NOVA1: variants seen among roughly 807,000 people sequenced by gnomAD.
The protein encoded by NOVA1 is RNA-binding protein Nova-1.
Under a neutral mutation model 38.0 loss-of-function variants are expected in NOVA1, and 7 were observed. The observed-to-expected ratio is 0.18, with a 90% CI of 0.10 to 0.35. The LOEUF (loss-of-function observed/expected upper bound fraction) is 0.35. Among genes scored for constraint, NOVA1 ranks in the 10% least tolerant of loss-of-function variants. The probability of loss-of-function intolerance (pLI) is 1.00; values close to 1 mark genes in which losing one functional copy is unlikely to be tolerated. For synonymous variants in NOVA1, 270 were observed against 232.5 expected (o/e 1.16, Z -1.47); for missense variants, 460 against 616.0 (o/e 0.75, Z 2.68).
intron 2 of NOVA1, among the ~76,000 whole-genome samples, chr14:26,551,824 T>A (rs1020209623): frequency 3.5e-4 from 53 of 152,176 alleles, no homozygotes; most frequent in African/African-American, 1.2e-3. Flanking sequence ...GGTATTTTTC[T>A]GTAGATATAA....
intron 2 of NOVA1, among the ~76,000 whole-genome samples, chr14:26,578,908 C>G (rs964727923): frequency 6.6e-6 from 1 of 152,078 alleles, no homozygotes; most frequent in African/African-American, 2.4e-5. Flanking sequence ...TCAGACTTCA[C>G]TGTCATCATC....
rs1432192779 is a variant in NOVA1, at chr14:26,446,123, A to T, written c.*1836T>A. On this transcript the variant is annotated 3_prime_UTR_variant, in exon 5 of 5. Coordinates refer to ENST00000539517, the MANE Select transcript of NOVA1 (RefSeq NM_002515.3). ...CTAAATAAATATTTAGAGATAGAGA[A>T]CTCTAAATGAAATAACAGTCCAATG... The T allele has an allele frequency of 1.3e-5, 2 of 151,454 alleles. No individual in the cohort carries two copies. Among genetic ancestry groups the T allele is most frequent in the Non-Finnish European group, 2.9e-5 (2 of 67,820 alleles). 9.4% of individuals were successfully genotyped at this position (151,454 alleles called of 1,614,324 possible). A position where few individuals can be genotyped will look rare whatever the true frequency, so the allele number is the denominator to read the frequency against.
At position 26,443,313 on chromosome 14, in the gene NOVA1, T is replaced by C. The variant is rs1281277683; in HGVS notation, c.*4646A>G. 1 of 152,016 alleles carries C rather than the reference T, an allele frequency of 6.6e-6. No homozygotes were observed. The highest frequency in any genetic ancestry group is 1.5e-5 in the Non-Finnish European group (1 of 67,894). 9.4% of individuals were successfully genotyped at this position (152,016 alleles called of 1,614,324 possible). ...AACTATTTAAAAAAAATTCGGCACA[T>C]ACACGTTAAATATTTTTCCTTAAAA... is the stretch of plus-strand genomic sequence containing the variant. On this transcript the variant is annotated 3_prime_UTR_variant, in exon 5 of 5. Transcript: ENST00000539517.
intron 4 of NOVA1, among the ~76,000 whole-genome samples, chr14:26,451,640 TG>T (rs1388890856): frequency 6.6e-6 from 1 of 152,134 alleles, no homozygotes; most frequent in Non-Finnish European, 1.5e-5. Context: ...CCCAAAATGC[TG>T]GGATTACAAC....
At chr14:26,586,072 C>T (rs1373850745) in intron 2 of NOVA1, among the ~76,000 whole-genome samples, 1 of 151,300 alleles carries the variant, frequency 6.6e-6, no homozygotes, top group African/African-American at 2.4e-5. Context: ...GTATGTTAAA[C>T]ACACAGCAGG....
At chr14:26,553,536 T>G (rs1797225867) in intron 2 of NOVA1, among the ~76,000 whole-genome samples, 1 of 151,688 alleles carries the variant, frequency 6.6e-6, no homozygotes, top group African/African-American at 2.4e-5. Flanking sequence ...CCATGCCCAC[T>G]TCCCTTCTCT....
intron 4 of NOVA1, among the ~76,000 whole-genome samples, chr14:26,456,971 A>G (rs1222181766): frequency 6.8e-6 from 1 of 146,736 alleles, no homozygotes; most frequent in Non-Finnish European, 1.5e-5. Context: ...ATATACACAC[A>G]CACACACATA....
At position 26,445,543 on chromosome 14, in the gene NOVA1, T is replaced by C. The variant is rs1322082968; in HGVS notation, c.*2416A>G. Reference sequence around the variant, plus strand: ...GCAACACTAGCTAATAAAACACACATAATTGTTTAAATGGTTTGGCTTCAA... The same window carrying C: ...GCAACACTAGCTAATAAAACACACACAATTGTTTAAATGGTTTGGCTTCAA... On this transcript the variant is annotated 3_prime_UTR_variant, in exon 5 of 5. Coordinates refer to ENST00000539517, the MANE Select transcript of NOVA1 (RefSeq NM_002515.3). 6.6e-6 allele frequency: 1 copy of C among 152,188 alleles called. No homozygotes were observed. Among genetic ancestry groups the C allele is most frequent in the African/African-American group, 2.4e-5 (1 of 41,458 alleles). 9.4% of individuals were successfully genotyped at this position (152,188 alleles called of 1,614,324 possible).
chr14:26,463,592 C>T (rs1305233011), intron 4 of NOVA1, among the ~76,000 whole-genome samples: 1 of 152,050 alleles, frequency 6.6e-6, no homozygotes, highest in African/African-American at 2.4e-5. Context: ...GTCATGTGTT[C>T]AAGATATTTT....
intron 2 of NOVA1, among the ~76,000 whole-genome samples, chr14:26,544,474 T>TA (rs772814341): frequency 5.3e-4 from 74 of 140,308 alleles, no homozygotes; most frequent in Non-Finnish European, 5.5e-4. Flanking sequence ...AACATAAGGT[T>TA]AAAAAAAAAA....
intron 4 of NOVA1, among the ~76,000 whole-genome samples, chr14:26,463,522 TTA>T (rs1321753497): frequency 2.0e-5 from 3 of 152,208 alleles, no homozygotes; most frequent in Non-Finnish European, 4.4e-5. Flanking sequence ...CTTTTCATTT[TTA>T]TATTGGGTTT....
Position 26,522,757 on chromosome 14 carries a change from T to C in NOVA1, c.281-42614A>G, listed in dbSNP as rs142171447. On this transcript the variant is annotated intron_variant, in intron 2 of 4. Transcript: ENST00000539517. ...CTCTGTGAAATTGAGTGAAGTTTAC[T>C]ATTGATACTACTGGTTCAATAACAT... is the stretch of plus-strand genomic sequence containing the variant. Among the ~76,000 whole-genome samples, 9 of 152,306 alleles carry C rather than the reference T, an allele frequency of 5.9e-5. No homozygotes were observed. In the East Asian group the frequency reaches 1.7e-3, roughly 29 times the overall value.
intron 2 of NOVA1, among the ~76,000 whole-genome samples, chr14:26,504,850 G>A (rs1887513012): frequency 1.3e-5 from 2 of 152,106 alleles, no homozygotes; most frequent in African/African-American, 4.8e-5. Context: ...ACTGAGAGAG[G>A]GTTTCTAGAG....
At chr14:26,452,436 G>GA (rs1214876097) in intron 4 of NOVA1, among the ~76,000 whole-genome samples, 10 of 152,052 alleles carry the variant, frequency 6.6e-5, no homozygotes, top group African/African-American at 1.2e-4. Context: ...ATACTGGTGG[G>GA]AAAAAACAGA....
intron 2 of NOVA1, among the ~76,000 whole-genome samples, chr14:26,489,888 C>A (rs2145518): frequency 0.02 from 3,112 of 152,132 alleles, 94 homozygotes; most frequent in African/African-American, 0.071. Flanking sequence ...GGTCCTTTTA[C>A]CCATCTTTAG....
chr14:26,447,650 G>C lies in NOVA1; in HGVS notation c.*309C>G. On this transcript the variant is annotated 3_prime_UTR_variant, in exon 5 of 5. Transcript: ENST00000539517. ...TACTGAAAACTATACGCATATCCCTGTCTACATTCAATCATTAAACTACAA... is the reference window on the plus strand; with the variant it reads ...TACTGAAAACTATACGCATATCCCTCTCTACATTCAATCATTAAACTACAA... 2.7e-6 allele frequency: 1 copy of C among 376,150 alleles called. No individual in the cohort carries two copies. Among genetic ancestry groups the C allele is most frequent in the South Asian group, 3.2e-5 (1 of 31,494 alleles). The allele number at this position is 376,150 out of a possible 1,614,324, so 23.3% of individuals were successfully genotyped here. A position where few individuals can be genotyped will look rare whatever the true frequency, so the allele number is the denominator to read the frequency against.
At chr14:26,587,322 A>AAAC (rs1035595309) in intron 2 of NOVA1, among the ~76,000 whole-genome samples, 1 of 150,326 alleles carries the variant, frequency 6.7e-6, no homozygotes, top group Non-Finnish European at 1.5e-5. Flanking sequence ...AAAAAAAAAA[A>AAAC]ACAAAAATCT....
chr14:26,579,050 A>ATTTT (rs1272941818), intron 2 of NOVA1, among the ~76,000 whole-genome samples: 4 of 76,618 alleles, frequency 5.2e-5, no homozygotes, highest in Non-Finnish European at 9.0e-5. Flanking sequence ...AGCAGGTGGT[A>ATTTT]TTCTTTTTTT....
chr14:26,474,772 G>A (rs1884847357), intron 3 of NOVA1, among the ~76,000 whole-genome samples: 1 of 151,806 alleles, frequency 6.6e-6, no homozygotes, highest in South Asian at 2.1e-4. Context: ...TAAGAGTGTT[G>A]AAATGTTACA....
Sources: allele counts gnomAD v4.1 joint callset (sites outside exome capture counted in the v4.1 genomes callset), GRCh38; gene constraint gnomAD v4.1.1; transcripts MANE v1.5; gene names NCBI Gene and HGNC (gene_info 2026-07-23, HGNC 2026-07-21).